SLCO1B3: variants seen among roughly 807,000 people sequenced by gnomAD.
SLCO1B3 encodes liver-specific organic anion transporter 2.
Under a neutral mutation model 71.8 loss-of-function variants are expected in SLCO1B3, and 72 were observed. That is an observed-to-expected ratio of 1.00 (90% CI 0.83 to 1.22). SLCO1B3 has a LOEUF of 1.22. Ranked by LOEUF, SLCO1B3 falls within the 50% of genes most tolerant of loss-of-function variation. The pLI, the probability that SLCO1B3 is intolerant of heterozygous loss-of-function variation, is 0.00. For synonymous variants in SLCO1B3, 298 were observed against 278.4 expected (o/e 1.07, Z -0.70); for missense variants, 911 against 819.7 (o/e 1.11, Z -1.36).
Position 20,861,051 on chromosome 12 carries a change from T to G in SLCO1B3, c.394T>G (p.Ser132Ala). The G allele has an allele frequency of 3.8e-6, 6 of 1,598,238 alleles. No individual in the cohort carries two copies. Among genetic ancestry groups the G allele is most frequent in the Non-Finnish European group, 5.1e-6 (6 of 1,169,108 alleles). The change falls in exon 6 of 16, where the codon TCA becomes GCA. Residue 132 changes from serine to alanine, a missense_variant. Coordinates refer to ENST00000381545, the MANE Select transcript of SLCO1B3 (RefSeq NM_019844.4). ...RYSKETHINP[S>A]ENSTSSLSTC... ...TTCTAAAGAAACCCATATTAATCCA[T>G]CAGAAAATTCAACATCAAGTTTATC...
At chr12:20,849,333 A>G (rs555256175) in intron 3 of SLCO1B3, among the ~76,000 whole-genome samples, 7 of 152,100 alleles carry the variant, frequency 4.6e-5, no homozygotes, top group African/African-American at 1.4e-4. Flanking sequence ...TACTAGATGC[A>G]TTTGACACAA....
At chr12:20,896,601 C>G (rs1011941848) in intron 13 of SLCO1B3, among the ~76,000 whole-genome samples, 1 of 152,182 alleles carries the variant, frequency 6.6e-6, no homozygotes, top group Non-Finnish European at 1.5e-5. Flanking sequence ...TTAGCCAAAG[C>G]TATTCAACAA....
intron 3 of SLCO1B3, among the ~76,000 whole-genome samples, chr12:20,826,776 T>C (rs1453567908): frequency 6.6e-6 from 1 of 152,062 alleles, no homozygotes; most frequent in African/African-American, 2.4e-5. Context: ...CCTACAACTT[T>C]CTGTGTATCT....
intron 3 of SLCO1B3, among the ~76,000 whole-genome samples, chr12:20,842,208 A>T (rs568102971): frequency 3.3e-5 from 5 of 152,144 alleles, no homozygotes; most frequent in Non-Finnish European, 7.4e-5. Flanking sequence ...GTAGAATTTT[A>T]TATGAATTTT....
rs971566402 is a variant in SLCO1B3, at chr12:20,916,751, G to C, written c.*504G>C. 2.0e-5 allele frequency: 3 copies of C among 152,016 alleles called. No homozygotes were observed. The highest frequency in any genetic ancestry group is 2.9e-5 in the Non-Finnish European group (2 of 67,998). The allele number at this position is 152,016 out of a possible 1,614,324, so 9.4% of individuals were successfully genotyped here. A position where few individuals can be genotyped will look rare whatever the true frequency, so the allele number is the denominator to read the frequency against. On this transcript the variant is annotated 3_prime_UTR_variant, in exon 16 of 16. Transcript: ENST00000381545. Reference sequence around the variant, plus strand: ...TTGTGTTTGACTAACAACCTCGATGGATCTTCTTCCAACCTCCCATTAAGA... The same window carrying C: ...TTGTGTTTGACTAACAACCTCGATGCATCTTCTTCCAACCTCCCATTAAGA...
At chr12:20,822,443 T>C (rs1864332610) in intron 3 of SLCO1B3, among the ~76,000 whole-genome samples, 1 of 152,022 alleles carries the variant, frequency 6.6e-6, no homozygotes, top group Non-Finnish European at 1.5e-5. Flanking sequence ...TTCAAAGGGT[T>C]AGTCACTCAG....
At chr12:20,857,633 C>T (rs1375180818) in intron 4 of SLCO1B3, among the ~76,000 whole-genome samples, 2 of 151,940 alleles carry the variant, frequency 1.3e-5, no homozygotes, top group African/African-American at 2.4e-5. Context: ...AATATACTAA[C>T]AGGATTTTTT....
chr12:20,828,400 A>G (rs984874025), intron 3 of SLCO1B3, among the ~76,000 whole-genome samples: 1 of 152,060 alleles, frequency 6.6e-6, no homozygotes, highest in South Asian at 2.1e-4. Flanking sequence ...GGAAAAACAG[A>G]GATTTCTCCC....
chr12:20,897,125 A>G (rs1866025638), intron 13 of SLCO1B3, among the ~76,000 whole-genome samples: 1 of 152,156 alleles, frequency 6.6e-6, no homozygotes, highest in Admixed American at 6.5e-5. Context: ...GCCAAATCGT[A>G]TCAGATTCAT....
intron 3 of SLCO1B3, among the ~76,000 whole-genome samples, chr12:20,822,539 A>G (rs533983469): frequency 1.3e-5 from 2 of 152,216 alleles, no homozygotes; most frequent in South Asian, 4.1e-4. Context: ...GTGATTCTTC[A>G]GTTACTTCAG....
chr12:20,815,331 T>C (rs1374609165), intron 2 of SLCO1B3, among the ~76,000 whole-genome samples: 19 of 152,180 alleles, frequency 1.2e-4, no homozygotes. Flanking sequence ...CTTTCATAAA[T>C]CTTGTAATCT....
At chr12:20,858,324 G>A in intron 4 of SLCO1B3, 115 bp from the exon 5 acceptor site, 1 of 698,848 alleles carries the variant, frequency 1.4e-6, no homozygotes, top group Non-Finnish European at 2.4e-6. Context: ...AAATTACATG[G>A]TCTTTGAGGG....
intron 3 of SLCO1B3, among the ~76,000 whole-genome samples, chr12:20,843,582 C>A (rs1174935771): frequency 6.6e-6 from 1 of 151,904 alleles, no homozygotes; most frequent in East Asian, 1.9e-4. Flanking sequence ...AGATTGAGAC[C>A]ATCCTGGCTA....
At chr12:20,893,759 G>A (rs1435091500) in intron 13 of SLCO1B3, among the ~76,000 whole-genome samples, 1 of 152,108 alleles carries the variant, frequency 6.6e-6, no homozygotes, top group Admixed American at 6.6e-5. Context: ...GTGGGATTAA[G>A]GGATGTAGTA....
At chr12:20,820,348 C>G (rs539715454) in intron 3 of SLCO1B3, among the ~76,000 whole-genome samples, 71 of 152,236 alleles carry the variant, frequency 4.7e-4, no homozygotes, top group Non-Finnish European at 9.4e-4. Context: ...GAGTGGCTGC[C>G]AGGTGAGTTG....
chr12:20,811,098 A>G (rs903169477), intron 1 of SLCO1B3, among the ~76,000 whole-genome samples: 8 of 152,202 alleles, frequency 5.3e-5, no homozygotes, highest in Non-Finnish European at 8.8e-5. Context: ...ATATACTATA[A>G]GATAATTATT....
intron 8 of SLCO1B3, among the ~76,000 whole-genome samples, chr12:20,863,722 T>C (rs1865318402): frequency 6.6e-6 from 1 of 152,114 alleles, no homozygotes; most frequent in African/African-American, 2.4e-5. Flanking sequence ...TCCAATTGAT[T>C]AACTGTTTCT....
chr12:20,830,434 C>G (rs1489168538), intron 3 of SLCO1B3, among the ~76,000 whole-genome samples: 1 of 152,118 alleles, frequency 6.6e-6, no homozygotes, highest in African/African-American at 2.4e-5. Flanking sequence ...AATTCTGAAT[C>G]CACAGGTTGC....
intron 3 of SLCO1B3, among the ~76,000 whole-genome samples, chr12:20,819,280 G>A (rs1319662685): frequency 2.0e-5 from 3 of 152,192 alleles, no homozygotes; most frequent in Admixed American, 6.5e-5. Context: ...CGATCATCAG[G>A]GAGAGCATGT....
Sources: allele counts gnomAD v4.1 joint callset (sites outside exome capture counted in the v4.1 genomes callset), GRCh38; gene constraint gnomAD v4.1.1; transcripts MANE v1.5; gene names NCBI Gene and HGNC (gene_info 2026-07-23, HGNC 2026-07-21).